Variants in FER observed in about 807,000 individuals in gnomAD.
FER encodes the protein tyrosine-protein kinase Fer.
FER carries 63 observed loss-of-function variants against 111.0 expected under a neutral mutation model. The observed-to-expected ratio is 0.57, with a 90% CI of 0.46 to 0.70. The LOEUF (loss-of-function observed/expected upper bound fraction) is 0.70. Among genes scored for constraint, FER ranks in the 30% least tolerant of loss-of-function variants. FER has a pLI of 0.00. For synonymous variants in FER, 327 were observed against 313.9 expected, an observed-to-expected ratio of 1.04 and a Z score of -0.44; for missense variants, 914 against 954.0, an observed-to-expected ratio of 0.96 and a Z score of 0.55.
chr5:108,986,306 TC>T (rs1178805945), intron 13 of FER, among the ~76,000 whole-genome samples: 3 of 149,968 alleles, frequency 2.0e-5, no homozygotes, highest in South Asian at 4.2e-4. Flanking sequence ...TTTTTTTTTT[TC>T]CTGATTTGTT....
At chr5:108,980,263 T>C (rs1267405818) in intron 13 of FER, among the ~76,000 whole-genome samples, 1 of 152,130 alleles carries the variant, frequency 6.6e-6, no homozygotes, top group Admixed American at 6.6e-5. Context: ...TGCCTCTATG[T>C]ATAAATTTAT....
intron 13 of FER, among the ~76,000 whole-genome samples, chr5:108,973,962 G>C (rs1187469236): frequency 1.3e-5 from 2 of 152,116 alleles, no homozygotes; most frequent in Non-Finnish European, 2.9e-5. Context: ...AGTTTGAAAA[G>C]ACTTCTTCAC....
chr5:108,975,607 T>C (rs978979761), intron 13 of FER, among the ~76,000 whole-genome samples: 1 of 152,136 alleles, frequency 6.6e-6, no homozygotes, highest in African/African-American at 2.4e-5. Context: ...AAAGTCATGA[T>C]CAGATTTGTA....
intron 16 of FER, among the ~76,000 whole-genome samples, chr5:109,087,945 A>G (rs2416198): frequency 0.19 from 28,666 of 151,788 alleles, 2,829 homozygotes; most frequent in Non-Finnish European, 0.22. Flanking sequence ...TATTATAACA[A>G]TGTTTTTTAG....
intron 17 of FER, among the ~76,000 whole-genome samples, chr5:109,106,106 A>G (rs904194088): frequency 6.6e-6 from 1 of 152,196 alleles, no homozygotes; most frequent in Admixed American, 6.5e-5. Context: ...TGCCTTGTAC[A>G]ACAGAGGTAT....
intron 17 of FER, among the ~76,000 whole-genome samples, chr5:109,178,804 T>C (rs1002064092): frequency 6.6e-6 from 1 of 152,222 alleles, no homozygotes; most frequent in Admixed American, 6.5e-5. Context: ...CATTTCCATA[T>C]ACATTTTAGA....
At chr5:108,786,403 G>C (rs1416531565) in intron 2 of FER, among the ~76,000 whole-genome samples, 1 of 152,170 alleles carries the variant, frequency 6.6e-6, no homozygotes, top group Non-Finnish European at 1.5e-5. Context: ...CTTCTGGCCT[G>C]GTTGGGGTAG....
chr5:109,112,585 C>A (rs1406826191), intron 17 of FER, among the ~76,000 whole-genome samples: 1 of 152,116 alleles, frequency 6.6e-6, no homozygotes, highest in Non-Finnish European at 1.5e-5. Context: ...CTCTCTCTTT[C>A]TTTTTCATAT....
At chr5:108,853,567 A>G (rs2150193334) in intron 5 of FER, among the ~76,000 whole-genome samples, 1 of 152,352 alleles carries the variant, frequency 6.6e-6, no homozygotes, top group East Asian at 1.9e-4. Flanking sequence ...TCTGTAGCAA[A>G]GAGTACTCTA....
At chr5:109,054,220 T>C (rs1196983034) in intron 16 of FER, among the ~76,000 whole-genome samples, 1 of 152,220 alleles carries the variant, frequency 6.6e-6, no homozygotes. Context: ...AATTACTTTC[T>C]AAAGTTTTTG....
At chr5:109,043,466 T>C (rs1771476596) in intron 14 of FER, among the ~76,000 whole-genome samples, 1 of 152,210 alleles carries the variant, frequency 6.6e-6, no homozygotes, top group African/African-American at 2.4e-5. Context: ...TTAGATTAAA[T>C]GGTAAAAATT....
At chr5:108,825,326 C>T (rs1319217113) in intron 3 of FER, among the ~76,000 whole-genome samples, 1 of 152,208 alleles carries the variant, frequency 6.6e-6, no homozygotes, top group Admixed American at 6.5e-5. Flanking sequence ...AGTTCAGAGA[C>T]GTACCCCTAG....
At chr5:109,146,210 TTATA>T (rs1261270406) in intron 17 of FER, among the ~76,000 whole-genome samples, 1 of 95,310 alleles carries the variant, frequency 1.0e-5, no homozygotes, top group Admixed American at 9.7e-5. Context: ...TCTATCTATT[TTATA>T]TATATATATT....
intron 17 of FER, among the ~76,000 whole-genome samples, chr5:109,112,348 G>C (rs1749732330): frequency 6.6e-6 from 1 of 152,158 alleles, no homozygotes; most frequent in South Asian, 2.1e-4. Flanking sequence ...AAAAAGGTTT[G>C]AATGGGATAA....
chr5:109,029,450 T>A (rs76834830), intron 13 of FER, among the ~76,000 whole-genome samples: 18 of 116,942 alleles, frequency 1.5e-4, no homozygotes, highest in East Asian at 4.3e-4. Flanking sequence ...TTTTTTTTTT[T>A]AATTAGAGAA....
chr5:109,073,763 A>G (rs1309320599), intron 16 of FER, among the ~76,000 whole-genome samples: 1 of 152,144 alleles, frequency 6.6e-6, no homozygotes, highest in Non-Finnish European at 1.5e-5. Context: ...ACCCACTTAC[A>G]TGAAAAGTCA....
chr5:109,074,006 T>C (rs1294682739), intron 16 of FER, among the ~76,000 whole-genome samples: 1 of 152,174 alleles, frequency 6.6e-6, no homozygotes, highest in Non-Finnish European at 1.5e-5. Flanking sequence ...TAAACACTTA[T>C]CCTGTCTTAC....
chr5:108,816,755 C>T lies in FER; in HGVS notation c.208-16015C>T, dbSNP rs75792253. Among the ~76,000 whole-genome samples, 176 of 152,152 alleles carry T rather than the reference C, an allele frequency of 1.2e-3. 4 individuals are homozygous for T. In the East Asian group the frequency reaches 0.02, roughly 17 times the overall value. ...CTGATGTATAGACCCCATCCAAAGC[C>T]TGTTAAATAAGAATCTATGGCCTTA... On this transcript the variant is annotated intron_variant, in intron 3 of 19. Transcript: ENST00000281092.
intron 13 of FER, among the ~76,000 whole-genome samples, chr5:109,024,416 A>C (rs1768372413): frequency 6.6e-6 from 1 of 152,122 alleles, no homozygotes. Context: ...ATGGAAAGAA[A>C]ACGAAAGAAA....
Sources: allele counts gnomAD v4.1 joint callset (sites outside exome capture counted in the v4.1 genomes callset), GRCh38; gene constraint gnomAD v4.1.1; transcripts MANE v1.5; gene names NCBI Gene and HGNC (gene_info 2026-07-23, HGNC 2026-07-21).